L3MBTL3: variants seen among roughly 807,000 people sequenced by gnomAD.
L3MBTL3 encodes the protein lethal(3)malignant brain tumor-like protein 3.
In L3MBTL3, 27 loss-of-function variants were observed where a neutral mutation model predicts 102.3. The ratio of observed to expected loss-of-function variants is 0.26; its 90% confidence interval spans 0.19 to 0.36. The LOEUF (loss-of-function observed/expected upper bound fraction) is 0.36, where lower values mean the gene tolerates loss of function less well. Ranked by LOEUF, L3MBTL3 falls within the 10% of genes least tolerant of loss-of-function variation. L3MBTL3 has a pLI of 1.00. For synonymous variants in L3MBTL3, 340 were observed against 320.9 expected (o/e 1.06, Z -0.64); for missense variants, 798 against 955.3 (o/e 0.84, Z 2.17).
Position 130,086,124 on chromosome 6 carries a change from T to C in L3MBTL3, c.1408-16T>C, listed in dbSNP as rs1262344063. 1 of 1,497,966 alleles carries C rather than the reference T, an allele frequency of 6.7e-7. No individual in the cohort carries two copies. Among genetic ancestry groups the C allele is most frequent in the South Asian group, 1.1e-5 (1 of 87,460 alleles). The allele number at this position is 1,497,966 out of a possible 1,614,324, so 92.8% of individuals were successfully genotyped here. On this transcript the variant is annotated splice_polypyrimidine_tract_variant and intron_variant, in intron 15 of 22. Coordinates refer to ENST00000361794, the MANE Select transcript of L3MBTL3 (RefSeq NM_032438.4). Reference sequence around the variant, plus strand: ...TTCCTCTTTATCTCACTCTGTAAAATTTTTTTTTGTGGCAGAAACCTCCTC... The same window carrying C: ...TTCCTCTTTATCTCACTCTGTAAAACTTTTTTTTGTGGCAGAAACCTCCTC...
chr6:130,095,357 A>G (rs1784301607), intron 18 of L3MBTL3, among the ~76,000 whole-genome samples: 3 of 152,124 alleles, frequency 2.0e-5, no homozygotes, highest in Non-Finnish European at 2.9e-5. Context: ...TGCAACCTCA[A>G]ATCTTCCTTT....
At chr6:130,096,840 A>G (rs150623870) in intron 18 of L3MBTL3, among the ~76,000 whole-genome samples, 1 of 152,366 alleles carries the variant, frequency 6.6e-6, no homozygotes, top group Non-Finnish European at 1.5e-5. Context: ...AATTAGAATC[A>G]TAATAGAGAA....
intron 2 of L3MBTL3, among the ~76,000 whole-genome samples, chr6:130,035,981 TG>T (rs1780031786): frequency 4.1e-3 from 1 of 246 alleles, no homozygotes; most frequent in African/African-American, 0.021. Flanking sequence ...CTACCTGTTT[TG>T]TGTGTGTGTG....
chr6:130,126,135 GTCTTC>G (rs1207261746), intron 20 of L3MBTL3, among the ~76,000 whole-genome samples: 1 of 117,478 alleles, frequency 8.5e-6, no homozygotes, highest in Non-Finnish European at 1.7e-5. Context: ...TTTTGCTTCT[GTCTTC>G]TCTACCTGAA....
chr6:130,050,214 A>T (rs1450814661), intron 5 of L3MBTL3, among the ~76,000 whole-genome samples: 1 of 152,216 alleles, frequency 6.6e-6, no homozygotes, highest in African/African-American at 2.4e-5. Context: ...CTTATCTGAC[A>T]CTTCACTGAT....
intron 20 of L3MBTL3, among the ~76,000 whole-genome samples, chr6:130,125,002 A>T (rs7776419): frequency 0.021 from 3,176 of 152,178 alleles, 103 homozygotes; most frequent in African/African-American, 0.072. Flanking sequence ...AATACTTAAC[A>T]GCTCATTTGG....
Position 130,139,855 on chromosome 6 carries a change from T to A in L3MBTL3, c.*102T>A. 1 of 1,013,414 alleles carries A rather than the reference T, an allele frequency of 9.9e-7. No homozygotes were observed. The highest frequency in any genetic ancestry group is 1.5e-6 in the Non-Finnish European group (1 of 677,534). 62.8% of individuals were successfully genotyped at this position (1,013,414 alleles called of 1,614,324 possible). ...CTCCTAAGTGAGAAGTCTCCAAAACTCAAAAGAGCAACACTATCGGATTAT... is the reference window on the plus strand; with the variant it reads ...CTCCTAAGTGAGAAGTCTCCAAAACACAAAAGAGCAACACTATCGGATTAT... On this transcript the variant is annotated 3_prime_UTR_variant, in exon 23 of 23. Coordinates refer to ENST00000361794, the MANE Select transcript of L3MBTL3 (RefSeq NM_032438.4).
At chr6:130,019,478 G>C (rs996207034) in intron 1 of L3MBTL3, 1 of 152,002 alleles carries the variant, frequency 6.6e-6, no homozygotes. Context: ...GGGAGACCGA[G>C]GCAGTGGGAA....
chr6:130,019,026 T>C (rs1335580130), intron 1 of L3MBTL3, among the ~76,000 whole-genome samples: 1 of 151,306 alleles, frequency 6.6e-6, no homozygotes, highest in Admixed American at 6.6e-5. Context: ...AGGAGAGACT[T>C]GTATTTTTTT....
At position 130,140,345 on chromosome 6, in the gene L3MBTL3, CTT is replaced by C. The variant is rs1788162436; in HGVS notation, c.*595_*596del. The C allele has an allele frequency of 6.6e-6, 1 of 152,480 alleles. No homozygotes were observed. The allele number at this position is 152,480 out of a possible 1,614,324, so 9.4% of individuals were successfully genotyped here. On this transcript the variant is annotated 3_prime_UTR_variant, in exon 23 of 23. Transcript: ENST00000361794. ...CAGGGCTGAATAGTTGTAAGAATGA[CTT>C]TTCTTTGAATCAGTATTTTTCCTTT...
At chr6:130,107,609 A>G (rs1291819013) in intron 19 of L3MBTL3, among the ~76,000 whole-genome samples, 1 of 152,092 alleles carries the variant, frequency 6.6e-6, no homozygotes, top group Non-Finnish European at 1.5e-5. Context: ...TAGGTGCTAT[A>G]CTTGGTGTCC....
At chr6:130,083,561 T>TTG (rs2115121533) in intron 14 of L3MBTL3, 59 bp from the exon 15 acceptor site, 1 of 712,138 alleles carries the variant, frequency 1.4e-6, no homozygotes, top group East Asian at 3.0e-5. Flanking sequence ...GTTGGACAGT[T>TTG]TGTTATTCTT....
At chr6:130,052,012 A>G (rs967302979) in intron 6 of L3MBTL3, among the ~76,000 whole-genome samples, 1 of 152,218 alleles carries the variant, frequency 6.6e-6, no homozygotes. Flanking sequence ...TTTTTCTTGC[A>G]TATCATTGTA....
chr6:130,137,336 G>T (rs1787791913), intron 22 of L3MBTL3, among the ~76,000 whole-genome samples: 1 of 152,148 alleles, frequency 6.6e-6, no homozygotes, highest in Admixed American at 6.5e-5. Context: ...TATATGCATT[G>T]CAGAAGCTAA....
chr6:130,068,305 A>G lies in L3MBTL3; in HGVS notation c.1001-25A>G, dbSNP rs370321099. 1.1e-4 allele frequency: 140 copies of G among 1,254,700 alleles called. No homozygotes were observed. The Middle Eastern group carries it at 1.9e-3, about 17-fold the overall frequency. 77.7% of individuals were successfully genotyped at this position (1,254,700 alleles called of 1,614,324 possible). A position where few individuals can be genotyped will look rare whatever the true frequency, so the allele number is the denominator to read the frequency against. ...GTAAAATATTGTGGTATTTGAATCAATCTGTTCATATGTGCTTACTCTAGG... is the reference window on the plus strand; with the variant it reads ...GTAAAATATTGTGGTATTTGAATCAGTCTGTTCATATGTGCTTACTCTAGG... On this transcript the variant is annotated intron_variant, in intron 11 of 22. Transcript: ENST00000361794.
At chr6:130,042,886 A>G in intron 3 of L3MBTL3, 85 bp downstream of exon 3, 1 of 891,708 alleles carries the variant, frequency 1.1e-6, no homozygotes, top group East Asian at 2.5e-5. Flanking sequence ...GTGAAATAAA[A>G]ATTAAAAGCA....
chr6:130,083,770 G>GT, intron 15 of L3MBTL3, 65 bp downstream of exon 15: 1 of 789,458 alleles, frequency 1.3e-6, no homozygotes, highest in Non-Finnish European at 2.1e-6. Context: ...TTGAAGAACA[G>GT]AACAAGATGG....
chr6:130,110,321 C>G (rs1290112784), intron 19 of L3MBTL3, among the ~76,000 whole-genome samples: 1 of 152,204 alleles, frequency 6.6e-6, no homozygotes, highest in Admixed American at 6.5e-5. Flanking sequence ...TTGTTTCTTC[C>G]TATCCATGAG....
At chr6:130,057,535 A>C (rs144886174) in intron 9 of L3MBTL3, 38 bp downstream of exon 9, 1 of 1,464,082 alleles carries the variant, frequency 6.8e-7, no homozygotes. Context: ...GTAAGGGCGC[A>C]GGAGCTGGGA....
Sources: allele counts gnomAD v4.1 joint callset (sites outside exome capture counted in the v4.1 genomes callset), GRCh38; gene constraint gnomAD v4.1.1; transcripts MANE v1.5; gene names NCBI Gene and HGNC (gene_info 2026-07-23, HGNC 2026-07-21).